CDH4: variants seen among roughly 807,000 people sequenced by gnomAD.
The protein encoded by CDH4 is cadherin 4, also known as cadherin-4.
In CDH4, 33 loss-of-function variants were observed where a neutral mutation model predicts 86.0. The observed-to-expected ratio is 0.38, with a 90% CI of 0.29 to 0.51. The LOEUF (loss-of-function observed/expected upper bound fraction) is 0.51, where lower values mean the gene tolerates loss of function less well. Ranked by LOEUF, CDH4 falls within the 20% of genes least tolerant of loss-of-function variation. The pLI is 0.86. For synonymous variants in CDH4, 555 were observed against 549.4 expected (o/e 1.01, Z -0.14); for missense variants, 1,114 against 1,307.4 (o/e 0.85, Z 2.28).
chr20:61,511,321 C>T (rs898555363), intron 2 of CDH4, among the ~76,000 whole-genome samples: 3 of 152,234 alleles, frequency 2.0e-5, no homozygotes, highest in Non-Finnish European at 4.4e-5. Flanking sequence ...AGTCGTCTTA[C>T]GTTTTCTGCA....
At chr20:61,802,647 C>A (rs1483222390) in intron 4 of CDH4, among the ~76,000 whole-genome samples, 1 of 152,234 alleles carries the variant, frequency 6.6e-6, no homozygotes, top group East Asian at 1.9e-4. Flanking sequence ...GCCATTTTCA[C>A]TGCAGAATGG....
At chr20:61,679,538 G>A (rs569359222) in intron 2 of CDH4, among the ~76,000 whole-genome samples, 19 of 152,154 alleles carry the variant, frequency 1.2e-4, no homozygotes, top group Non-Finnish European at 2.6e-4. Flanking sequence ...CTCCACCAAC[G>A]CCAGTGCACA....
Position 61,920,441 on chromosome 20 carries a change from T to C in CDH4, c.1375-3010T>C, listed in dbSNP as rs141750565. Reference sequence around the variant, plus strand: ...ATTGCGTGGAAGCGTGTCTTGGTGATTGCATGGAAATGTGTGATTGCATGG... The same window carrying C: ...ATTGCGTGGAAGCGTGTCTTGGTGACTGCATGGAAATGTGTGATTGCATGG... On this transcript the variant is annotated intron_variant, in intron 9 of 15. Coordinates refer to ENST00000614565, the MANE Select transcript of CDH4 (RefSeq NM_001794.5). Among the ~76,000 whole-genome samples the C allele has an allele frequency of 5.1e-3, 750 of 147,780 alleles. 5 individuals carry two copies. The highest frequency in any genetic ancestry group is 0.018 in the African/African-American group (715 of 39,608).
In CDH4 at chr20:61,758,954, AGTGTGCACATGTGCGCATGG is replaced by A. The variant is rs750820590; in HGVS notation, c.397-14037_397-14018del. Among the ~76,000 whole-genome samples, 264 of 152,006 alleles carry A rather than the reference AGTGTGCACATGTGCGCATGG, an allele frequency of 1.7e-3. 1 individual carries two copies. The highest frequency in any genetic ancestry group is 3.1e-3 in the Non-Finnish European group (213 of 67,994). ...GTGCATGGGTGTACACATGTATATGAGTGTGCACATGTGCGCATGGGTGTGCACATGGGTGTGCACGTGTA... is the reference window on the plus strand; with the variant it reads ...GTGCATGGGTGTACACATGTATATGAGTGTGCACATGGGTGTGCACGTGTA... On this transcript the variant is annotated intron_variant, in intron 3 of 15. Coordinates refer to ENST00000614565, the MANE Select transcript of CDH4 (RefSeq NM_001794.5).
rs75827031 is a variant in CDH4 at position 61,876,671 on chromosome 20, C to A, written c.1050+2771C>A. On this transcript the variant is annotated intron_variant, in intron 7 of 15. Coordinates refer to ENST00000614565, the MANE Select transcript of CDH4 (RefSeq NM_001794.5). The stretch of plus-strand genomic sequence containing the variant: ...CTGGGGATCTAAAGGGGACCATAGG[C>A]CACCTGCTCTGGCCTGCACTGGTTT... Among the ~76,000 whole-genome samples, 540 of 152,256 alleles carry A rather than the reference C, an allele frequency of 3.5e-3. 4 individuals are homozygous for A. Among genetic ancestry groups the A allele is most frequent in the African/African-American group, 0.012 (515 of 41,536 alleles).
intron 4 of CDH4, among the ~76,000 whole-genome samples, chr20:61,816,774 C>G (rs968376799): frequency 6.6e-6 from 1 of 152,148 alleles, no homozygotes; most frequent in Non-Finnish European, 1.5e-5. Flanking sequence ...TGGGGCATGA[C>G]CCGCTGCTGA....
chr20:61,871,085 C>G (rs900790052), intron 6 of CDH4, among the ~76,000 whole-genome samples: 7 of 150,514 alleles, frequency 4.7e-5, no homozygotes, highest in African/African-American at 1.2e-4. Context: ...GAGAGAGAGA[C>G]AGAGACAGAG....
chr20:61,922,523 C>T (rs1617504), intron 9 of CDH4, among the ~76,000 whole-genome samples: 26,078 of 152,166 alleles, frequency 0.17, 3,684 homozygotes, highest in East Asian at 0.43. Flanking sequence ...GGTTACAAGT[C>T]ACCACAAACC....
intron 2 of CDH4, among the ~76,000 whole-genome samples, chr20:61,704,893 A>G (rs56101353): frequency 0.014 from 2,083 of 152,282 alleles, 53 homozygotes; most frequent in African/African-American, 0.047. Flanking sequence ...AGTGTCTCCT[A>G]GGGCCAAATG....
chr20:61,556,973 A>G (rs1289425001), intron 2 of CDH4, among the ~76,000 whole-genome samples: 2 of 152,014 alleles, frequency 1.3e-5, no homozygotes, highest in Non-Finnish European at 2.9e-5. Flanking sequence ...TGGATTTTCA[A>G]TTTAATCGAA....
chr20:61,696,769 C>A (rs1169513982), intron 2 of CDH4, among the ~76,000 whole-genome samples: 1 of 152,150 alleles, frequency 6.6e-6, no homozygotes, highest in African/African-American at 2.4e-5. Flanking sequence ...ATGTCCTCAC[C>A]CCCAGAACCC....
chr20:61,569,986 G>C (rs995984781), intron 2 of CDH4: 9 of 152,238 alleles, frequency 5.9e-5, no homozygotes, highest in African/African-American at 1.9e-4. Flanking sequence ...CCTCTCTTTA[G>C]CTGGCCGCTC....
intron 3 of CDH4, among the ~76,000 whole-genome samples, chr20:61,756,640 A>ACCT (rs2088568681): frequency 6.8e-6 from 1 of 146,220 alleles, no homozygotes; most frequent in African/African-American, 2.6e-5. Flanking sequence ...CTTGCCCTTC[A>ACCT]CCCTGAGAGC....
chr20:61,534,688 G>A (rs1198754114), intron 2 of CDH4, among the ~76,000 whole-genome samples: 1 of 18,786 alleles, frequency 5.3e-5, no homozygotes, highest in Non-Finnish European at 1.0e-4. Flanking sequence ...TTTTTTTTTT[G>A]AGGTGTTTTC....
In CDH4 at chr20:61,923,513, C is replaced by G. The variant is rs1199876988; in HGVS notation, c.1437C>G (p.Pro479=). The part of the protein sequence containing the change: ...MLTVMVSNQA[P]LASGIQMSFQ... ...CAGTGATGGTGTCCAACCAGGCGCC[C>G]CTGGCCAGCGGAATCCAGATGTCCT... is the stretch of plus-strand genomic sequence containing the variant. Residue 479 remains proline, a synonymous_variant, in exon 10 of 16, where the codon CCC becomes CCG. Coordinates refer to ENST00000614565, the MANE Select transcript of CDH4 (RefSeq NM_001794.5). 1.2e-6 allele frequency: 2 copies of G among 1,614,184 alleles called. No individual in the cohort carries two copies. Among genetic ancestry groups the G allele is most frequent in the Non-Finnish European group, 1.7e-6 (2 of 1,180,026 alleles).
At chr20:61,728,832 C>T (rs1181169288) in intron 2 of CDH4, among the ~76,000 whole-genome samples, 3 of 152,206 alleles carry the variant, frequency 2.0e-5, no homozygotes, top group Non-Finnish European at 4.4e-5. Flanking sequence ...ACTCGCACTT[C>T]TCCACACCGT....
rs1241756629 is a variant in CDH4, at chr20:61,547,379, A to AT, written c.170-196176dup. ...AGGCACCTGCCACTGCGCCCGGCTA[A>AT]TTTTTTTTGTATTTTTAGTAGAGAC... On this transcript the variant is annotated intron_variant, in intron 2 of 15. Coordinates refer to ENST00000614565, the MANE Select transcript of CDH4 (RefSeq NM_001794.5). 4.6e-5 allele frequency among the ~76,000 whole-genome samples: 7 copies of AT among 150,820 alleles called. No individual in the cohort carries two copies. The East Asian group carries it at 7.8e-4, about 17-fold the overall frequency.
At chr20:61,306,062 C>T (rs931711367) in intron 2 of CDH4, among the ~76,000 whole-genome samples, 36 of 152,178 alleles carry the variant, frequency 2.4e-4, no homozygotes, top group African/African-American at 8.4e-4. Flanking sequence ...TGGGAGTAGG[C>T]TGTGGGTTTC....
chr20:61,812,745 C>T (rs1434166844), intron 4 of CDH4, among the ~76,000 whole-genome samples: 1 of 152,194 alleles, frequency 6.6e-6, no homozygotes, highest in African/African-American at 2.4e-5. Context: ...GCATTTTCCA[C>T]GATTTGCATT....
Sources: gnomAD v4.1 joint callset for allele counts (sites outside exome capture counted in the v4.1 genomes callset) on GRCh38, gnomAD v4.1.1 for gene constraint, MANE v1.5 for transcripts, NCBI Gene and HGNC (gene_info 2026-07-23, HGNC 2026-07-21) for gene names.